The following ARSB variants were observed in gnomAD, a reference collection of about 807,000 sequenced individuals.
The protein encoded by ARSB is N-acetylgalactosamine-4-sulfatase.
In ARSB, 41 loss-of-function variants were observed where a neutral mutation model predicts 50.9. The ratio of observed to expected loss-of-function variants is 0.81; its 90% CI spans 0.63 to 1.04. ARSB has a LOEUF of 1.04. Ranked by LOEUF, ARSB falls within the 50% of genes least tolerant of loss-of-function variation. The pLI, the probability that ARSB is intolerant of heterozygous loss-of-function variation, is 0.00. For missense variants in ARSB, 672 were observed against 693.3 expected (o/e 0.97, Z 0.35); for synonymous variants, 269 against 284.8 (o/e 0.94, Z 0.56).
chr5:78,853,052 C>T (rs2112058052), intron 5 of ARSB, among the ~76,000 whole-genome samples: 1 of 152,350 alleles, frequency 6.6e-6, no homozygotes, highest in African/African-American at 2.4e-5. Context: ...CTTCTTTTCT[C>T]AACTCGTCAA....
In ARSB at chr5:78,969,227, A is replaced by G. The variant is rs974363304; in HGVS notation, c.313-35T>C. 3.7e-6 allele frequency: 6 copies of G among 1,608,364 alleles called. No homozygotes were observed. The African/African-American group carries it at 5.3e-5, about 14-fold the overall frequency. ...ATAAACATAAAATTATAGATTAATG[A>G]CATTGAAATATTGTGAACAAGCAGA... On this transcript the variant is annotated intron_variant, in intron 1 of 7. Coordinates refer to ENST00000264914, the MANE Select transcript of ARSB (RefSeq NM_000046.5).
At chr5:78,792,438 G>C (rs2112633388) in intron 6 of ARSB, among the ~76,000 whole-genome samples, 1 of 151,920 alleles carries the variant, frequency 6.6e-6, no homozygotes, top group Non-Finnish European at 1.5e-5. Flanking sequence ...CAGCCCGTGG[G>C]CCATGGGTTT....
intron 6 of ARSB, among the ~76,000 whole-genome samples, chr5:78,826,109 C>T (rs1490562133): frequency 6.6e-6 from 1 of 151,428 alleles, no homozygotes; most frequent in Admixed American, 6.6e-5. Flanking sequence ...TGCAGTGGCA[C>T]GATCTTGGCT....
intron 6 of ARSB, among the ~76,000 whole-genome samples, chr5:78,833,254 T>A (rs1744775954): frequency 6.6e-6 from 1 of 152,176 alleles, no homozygotes; most frequent in African/African-American, 2.4e-5. Context: ...TTTCCAGGCT[T>A]TCCCACTAAT....
At chr5:78,956,702 T>A (rs1055353080) in intron 3 of ARSB, among the ~76,000 whole-genome samples, 1 of 152,150 alleles carries the variant, frequency 6.6e-6, no homozygotes, top group Non-Finnish European at 1.5e-5. Context: ...ATTTACACAT[T>A]CTATCTCATT....
chr5:78,978,736 G>A (rs1209450846), intron 1 of ARSB, among the ~76,000 whole-genome samples: 1 of 152,164 alleles, frequency 6.6e-6, no homozygotes, highest in Non-Finnish European at 1.5e-5. Flanking sequence ...TGCAAAGGGT[G>A]CAATGAGGAA....
At chr5:78,938,401 A>G (rs960858716) in intron 4 of ARSB, among the ~76,000 whole-genome samples, 3 of 152,250 alleles carry the variant, frequency 2.0e-5, no homozygotes, top group Non-Finnish European at 1.5e-5. Flanking sequence ...GGAAAAGTTC[A>G]TTCAAGTCTC....
intron 5 of ARSB, among the ~76,000 whole-genome samples, chr5:78,847,407 A>AT (rs1745494609): frequency 6.6e-6 from 1 of 152,152 alleles, no homozygotes; most frequent in African/African-American, 2.4e-5. Flanking sequence ...GATTACAGGC[A>AT]TGAGACACCA....
At chr5:78,963,221 C>T (rs1391866198) in intron 3 of ARSB, among the ~76,000 whole-genome samples, 2 of 152,200 alleles carry the variant, frequency 1.3e-5, no homozygotes, top group African/African-American at 4.8e-5. Flanking sequence ...GCCAGCTCAA[C>T]TTCACCTTCC....
rs74989636 is a variant in ARSB, at chr5:78,805,656, T to C, written c.1214-23682A>G. ...AACAAGCAGGAAAGAGGAGGAATGA[T>C]AATAAACATATGGTCAGCATGCCTT... On this transcript the variant is annotated intron_variant, in intron 6 of 7. Coordinates refer to ENST00000264914, the MANE Select transcript of ARSB (RefSeq NM_000046.5). Among the ~76,000 whole-genome samples, 1,493 of 152,260 alleles carry C rather than the reference T, an allele frequency of 9.8e-3. 27 individuals are homozygous for C. Among genetic ancestry groups the C allele is most frequent in the African/African-American group, 0.034 (1,422 of 41,530 alleles).
chr5:78,930,640 G>C (rs1750281069), intron 4 of ARSB, among the ~76,000 whole-genome samples: 1 of 152,192 alleles, frequency 6.6e-6, no homozygotes, highest in African/African-American at 2.4e-5. Flanking sequence ...CATGAAAAAA[G>C]AGTCCTACAA....
intron 5 of ARSB, among the ~76,000 whole-genome samples, chr5:78,865,740 T>C (rs1746687093): frequency 6.6e-6 from 1 of 152,216 alleles, no homozygotes; most frequent in Non-Finnish European, 1.5e-5. Flanking sequence ...GCTTTGCTGC[T>C]TAGAAATTTC....
chr5:78,938,028 T>G (rs1416574769), intron 4 of ARSB, among the ~76,000 whole-genome samples: 1 of 152,146 alleles, frequency 6.6e-6, no homozygotes, highest in African/African-American at 2.4e-5. Flanking sequence ...AAAAGTGAGA[T>G]GGAGGTAAAC....
At chr5:78,891,555 C>T (rs1395256460) in intron 4 of ARSB, among the ~76,000 whole-genome samples, 2 of 152,074 alleles carry the variant, frequency 1.3e-5, no homozygotes, top group Non-Finnish European at 2.9e-5. Context: ...CTGTCCCTCA[C>T]GGAGTGAGTG....
intron 6 of ARSB, among the ~76,000 whole-genome samples, chr5:78,823,602 G>T (rs149732004): frequency 8.5e-5 from 13 of 152,106 alleles, no homozygotes; most frequent in African/African-American, 3.1e-4. Flanking sequence ...CTTCTTCTAG[G>T]GTGGTAGATA....
At chr5:78,866,471 G>A (rs1027627432) in intron 5 of ARSB, among the ~76,000 whole-genome samples, 1 of 152,126 alleles carries the variant, frequency 6.6e-6, no homozygotes, top group Non-Finnish European at 1.5e-5. Flanking sequence ...ACCATATCAA[G>A]GGGAAAGGAC....
intron 4 of ARSB, among the ~76,000 whole-genome samples, chr5:78,911,261 G>T (rs1215957675): frequency 6.6e-6 from 1 of 152,018 alleles, no homozygotes; most frequent in Non-Finnish European, 1.5e-5. Flanking sequence ...ATAATAATGA[G>T]TCCCTGGGTC....
chr5:78,821,185 G>C (rs1257092222), intron 6 of ARSB, among the ~76,000 whole-genome samples: 1 of 152,192 alleles, frequency 6.6e-6, no homozygotes, highest in Non-Finnish European at 1.5e-5. Flanking sequence ...ACCCAGGCTA[G>C]AGTGCAATAG....
At chr5:78,812,630 CAT>C (rs1491151902) in intron 6 of ARSB, among the ~76,000 whole-genome samples, 3,391 of 136,218 alleles carry the variant, frequency 0.025, 61 homozygotes, top group Non-Finnish European at 0.036. Flanking sequence ...CACACACACA[CAT>C]GATATCACAA....
Sources: gnomAD v4.1 joint callset for allele counts (sites outside exome capture counted in the v4.1 genomes callset) on GRCh38, gnomAD v4.1.1 for gene constraint, MANE v1.5 for transcripts, NCBI Gene and HGNC (gene_info 2026-07-23, HGNC 2026-07-21) for gene names.